The following VPS45 variants were observed in gnomAD, a reference collection of about 807,000 sequenced individuals.
VPS45 encodes the protein vacuolar protein sorting-associated protein 45.
In VPS45, 35 loss-of-function variants were observed where a neutral mutation model predicts 75.9. The observed-to-expected ratio is 0.46, with a 90% CI of 0.35 to 0.61. VPS45 has a LOEUF of 0.61. Among genes scored for constraint, VPS45 ranks in the 20% least tolerant of loss-of-function variants. The probability of loss-of-function intolerance (pLI) is 0.00; values close to 1 mark genes in which losing one functional copy is unlikely to be tolerated. For missense variants in VPS45, 559 were observed against 685.9 expected (o/e 0.81, Z 2.07); for synonymous variants, 220 against 238.2 (o/e 0.92, Z 0.70).
intron 14 of VPS45, among the ~76,000 whole-genome samples, chr1:150,138,323 A>G (rs182999146): frequency 6.6e-6 from 1 of 152,192 alleles, no homozygotes; most frequent in Admixed American, 6.5e-5. Flanking sequence ...GGTCGTTGTT[A>G]TCACTTAGCT....
At chr1:150,068,473 G>A (rs587645469) in intron 1 of VPS45, 157 bp from the exon 2 acceptor site, 1 of 587,250 alleles carries the variant, frequency 1.7e-6, no homozygotes, top group African/African-American at 1.9e-5. Flanking sequence ...TTTCATTCTC[G>A]TATGTTACCT....
intron 7 of VPS45, among the ~76,000 whole-genome samples, chr1:150,079,739 C>T (rs149948691): frequency 2.4e-4 from 36 of 152,280 alleles, no homozygotes; most frequent in African/African-American, 7.5e-4. Flanking sequence ...GAGAAAGGCA[C>T]AGTCTATGTT....
chr1:150,067,829 G>T lies in VPS45; in HGVS notation c.-29G>T. On this transcript the variant is annotated 5_prime_UTR_variant, in exon 1 of 15. Transcript: ENST00000644510. ...TTTAGCCAGAAAAGGGGGCGGGAAG[G>T]GCTGTAGGGTACTTGTCAATTCGCC... 1 of 1,610,088 alleles carries T rather than the reference G, an allele frequency of 6.2e-7. No individual in the cohort carries two copies. Among genetic ancestry groups the T allele is most frequent in the Non-Finnish European group, 8.5e-7 (1 of 1,176,624 alleles).
chr1:150,141,925 T>C (rs1420694442), intron 14 of VPS45, among the ~76,000 whole-genome samples: 3 of 152,138 alleles, frequency 2.0e-5, no homozygotes, highest in African/African-American at 7.2e-5. Flanking sequence ...GATTTTTGAG[T>C]TTGCTTTTAA....
At chr1:150,118,205 A>C (rs1213517075) in intron 14 of VPS45, among the ~76,000 whole-genome samples, 2 of 145,732 alleles carry the variant, frequency 1.4e-5, no homozygotes, top group Non-Finnish European at 3.0e-5. Context: ...AATCACTTGA[A>C]CCCAGGAGAC....
At chr1:150,117,381 G>T (rs1214721587) in intron 14 of VPS45, among the ~76,000 whole-genome samples, 1 of 150,142 alleles carries the variant, frequency 6.7e-6, no homozygotes, top group Non-Finnish European at 1.5e-5. Context: ...AATTAGCCAG[G>T]CATGGTGACA....
chr1:150,104,871 G>A (rs781997943), intron 13 of VPS45, among the ~76,000 whole-genome samples: 1 of 152,184 alleles, frequency 6.6e-6, no homozygotes, highest in Non-Finnish European at 1.5e-5. Context: ...GGAATTACAG[G>A]CATAAGCCAC....
chr1:150,092,064 G>A lies in VPS45; in HGVS notation c.1232G>A (p.Arg411Lys). The change falls in exon 11 of 15, where the codon AGG becomes AAG. Residue 411 changes from arginine to lysine, a missense_variant. Transcript: ENST00000644510. ...NSLPGLMMDL[R>K]NKGVSEKYRK... The stretch of plus-strand genomic sequence containing the variant: ...CTGCCAGGACTAATGATGGACCTCA[G>A]GAATAAAGGTGTTTCTGAGAAGTAT... 1 of 1,613,868 alleles carries A rather than the reference G, an allele frequency of 6.2e-7. No individual in the cohort carries two copies. The highest frequency in any genetic ancestry group is 8.5e-7 in the Non-Finnish European group (1 of 1,179,898).
In VPS45 at chr1:150,119,361, G is replaced by T. The variant is rs1438561975; in HGVS notation, c.1625+8734G>T. Among the ~76,000 whole-genome samples the T allele has an allele frequency of 2.0e-5, 3 of 152,138 alleles. No homozygotes were observed. In the East Asian group the frequency reaches 5.8e-4, roughly 29 times the overall value. On this transcript the variant is annotated intron_variant, in intron 14 of 14. Transcript: ENST00000644510. ...AATATGATATGGAGGAGAAAACATT[G>T]AATAATTTGTTTCTGTGAATTATTA...
Position 150,067,818 on chromosome 1 carries a change from G to C in VPS45, c.-40G>C, listed in dbSNP as rs889590002. Reference sequence around the variant, plus strand: ...CTGGGGGTTAATTTAGCCAGAAAAGGGGGCGGGAAGGGCTGTAGGGTACTT... The same window carrying C: ...CTGGGGGTTAATTTAGCCAGAAAAGCGGGCGGGAAGGGCTGTAGGGTACTT... On this transcript the variant is annotated 5_prime_UTR_variant, in exon 1 of 15. Transcript: ENST00000644510. 1 of 1,598,538 alleles carries C rather than the reference G, an allele frequency of 6.3e-7. No homozygotes were observed. Among genetic ancestry groups the C allele is most frequent in the Non-Finnish European group, 8.6e-7 (1 of 1,166,942 alleles).
At chr1:150,106,652 C>T (rs1424893945) in intron 13 of VPS45, among the ~76,000 whole-genome samples, 1 of 151,610 alleles carries the variant, frequency 6.6e-6, no homozygotes, top group African/African-American at 2.4e-5. Context: ...TGGCTCCCCC[C>T]ATCACCCCAT....
chr1:150,069,874 AT>A (rs1426901562), intron 2 of VPS45, among the ~76,000 whole-genome samples: 3 of 152,124 alleles, frequency 2.0e-5, no homozygotes, highest in African/African-American at 4.8e-5. Context: ...AAATCCTTGA[AT>A]GACTTCTCAT....
chr1:150,083,998 A>G (rs1315152616), intron 10 of VPS45, among the ~76,000 whole-genome samples: 1 of 152,214 alleles, frequency 6.6e-6, no homozygotes, highest in Non-Finnish European at 1.5e-5. Flanking sequence ...TAATTGTAAT[A>G]CTGACTGTAA....
intron 14 of VPS45, among the ~76,000 whole-genome samples, chr1:150,138,220 A>G (rs1272389033): frequency 6.6e-6 from 1 of 151,964 alleles, no homozygotes; most frequent in African/African-American, 2.4e-5. Context: ...TTCAGTCCTC[A>G]TTTTGCTTGA....
chr1:150,099,112 A>C, intron 13 of VPS45: 1 of 990,938 alleles, frequency 1.0e-6, no homozygotes, highest in African/African-American at 1.7e-5. Context: ...AATTTTAGCC[A>C]TAAGTGTAAT....
At chr1:150,071,563 G>T (rs1330845613) in intron 2 of VPS45, among the ~76,000 whole-genome samples, 1 of 152,138 alleles carries the variant, frequency 6.6e-6, no homozygotes, top group African/African-American at 2.4e-5. Context: ...AAGCCAGGTG[G>T]ATCAGTTGAG....
rs145655857 is a variant in VPS45 at position 150,123,072 on chromosome 1, T to C, written c.1625+12445T>C. 1.4e-4 allele frequency among the ~76,000 whole-genome samples: 21 copies of C among 152,166 alleles called. No individual in the cohort carries two copies. The East Asian group carries it at 4.1e-3, about 29-fold the overall frequency. ...AAACCACTAATCTAACTTCTGTCTC[T>C]ACAAATGTCCCCATTCTGAGCATTG... On this transcript the variant is annotated intron_variant, in intron 14 of 14. Coordinates refer to ENST00000644510, the MANE Select transcript of VPS45 (RefSeq NM_007259.5).
chr1:150,103,853 C>G (rs375457439), intron 13 of VPS45, among the ~76,000 whole-genome samples: 1 of 152,186 alleles, frequency 6.6e-6, no homozygotes, highest in Non-Finnish European at 1.5e-5. Flanking sequence ...AAGGTGTTAA[C>G]TATCTGATTC....
chr1:150,101,865 T>A (rs1407540086), intron 13 of VPS45, among the ~76,000 whole-genome samples: 1 of 152,008 alleles, frequency 6.6e-6, no homozygotes, highest in Non-Finnish European at 1.5e-5. Flanking sequence ...CCTCAAAGAT[T>A]TAAAAACAGA....
Sources: allele counts gnomAD v4.1 joint callset (sites outside exome capture counted in the v4.1 genomes callset), GRCh38; gene constraint gnomAD v4.1.1; transcripts MANE v1.5; gene names NCBI Gene and HGNC (gene_info 2026-07-23, HGNC 2026-07-21).